GRID2: variants seen among roughly 807,000 people sequenced by gnomAD.
GRID2 encodes glutamate receptor ionotropic, delta-2.
Under a neutral mutation model 114.8 loss-of-function variants are expected in GRID2, and 33 were observed. That is an observed-to-expected ratio of 0.29 (90% CI 0.22 to 0.38). The LOEUF is 0.38. Ranked by LOEUF, GRID2 falls within the 10% of genes least tolerant of loss-of-function variation. The pLI, the probability that GRID2 is intolerant of heterozygous loss-of-function variation, is 1.00. For synonymous variants in GRID2, 505 were observed against 449.9 expected (o/e 1.12, Z -1.55); for missense variants, 1,184 against 1,257.7 (o/e 0.94, Z 0.89).
At chr4:93,705,538 T>G (rs769038904) in intron 14 of GRID2, among the ~76,000 whole-genome samples, 2 of 152,052 alleles carry the variant, frequency 1.3e-5, no homozygotes, top group Non-Finnish European at 2.9e-5. Context: ...TTAATCGATA[T>G]TTTCCTATAG....
intron 13 of GRID2, among the ~76,000 whole-genome samples, chr4:93,577,393 T>C (rs1272802629): frequency 6.6e-6 from 1 of 152,010 alleles, no homozygotes; most frequent in Non-Finnish European, 1.5e-5. Flanking sequence ...AATTCAAAAA[T>C]ATAAAAAATA....
intron 2 of GRID2, among the ~76,000 whole-genome samples, chr4:92,927,969 G>C (rs1749948202): frequency 6.6e-6 from 1 of 151,562 alleles, no homozygotes; most frequent in Non-Finnish European, 1.5e-5. Flanking sequence ...ATGCCATGTT[G>C]GTGCTCAAAA....
chr4:92,435,753 T>G (rs1732707527), intron 1 of GRID2, among the ~76,000 whole-genome samples: 1 of 152,236 alleles, frequency 6.6e-6, no homozygotes, highest in Non-Finnish European at 1.5e-5. Flanking sequence ...TAACTCATTG[T>G]GAGGAAGAAC....
intron 1 of GRID2, among the ~76,000 whole-genome samples, chr4:92,531,506 G>A (rs779719769): frequency 6.6e-6 from 1 of 152,040 alleles, no homozygotes; most frequent in Non-Finnish European, 1.5e-5. Flanking sequence ...CAGAGAGATG[G>A]GAAGAAAGCT....
At chr4:92,715,186 C>T (rs994292706) in intron 2 of GRID2, among the ~76,000 whole-genome samples, 24 of 152,154 alleles carry the variant, frequency 1.6e-4, no homozygotes, top group Non-Finnish European at 1.2e-4. Context: ...AGGACAGGGG[C>T]AAAATGCCAT....
rs564603452 is a variant in GRID2, at chr4:92,787,021, A to G, written c.244+196735A>G. ...TGAGCAGCACCTTTCCTAAAAGTCA[A>G]TATATGTTTGGGTGATTTCTGGTGT... On this transcript the variant is annotated intron_variant, in intron 2 of 15. Coordinates refer to ENST00000282020, the MANE Select transcript of GRID2 (RefSeq NM_001510.4). Among the ~76,000 whole-genome samples the G allele has an allele frequency of 1.3e-4, 20 of 152,038 alleles. No individual in the cohort carries two copies. In the East Asian group the frequency reaches 2.1e-3, roughly 16 times the overall value.
At chr4:93,033,051 T>C (rs943961453) in intron 2 of GRID2, among the ~76,000 whole-genome samples, 1 of 152,228 alleles carries the variant, frequency 6.6e-6, no homozygotes, top group African/African-American at 2.4e-5. Flanking sequence ...TCAAAAATGT[T>C]ATCTAACATT....
chr4:93,362,375 G>C (rs1373039200), intron 8 of GRID2, among the ~76,000 whole-genome samples: 1 of 151,918 alleles, frequency 6.6e-6, no homozygotes, highest in Non-Finnish European at 1.5e-5. Flanking sequence ...TGTGTCCCTG[G>C]ATTGGGGATC....
intron 8 of GRID2, among the ~76,000 whole-genome samples, chr4:93,369,722 C>A (rs1485017): frequency 6.6e-6 from 1 of 152,278 alleles, no homozygotes; most frequent in Non-Finnish European, 1.5e-5. Context: ...CTCCTGAGAT[C>A]TAGCAATCCT....
At chr4:93,059,270 T>A (rs531890959) in intron 2 of GRID2, among the ~76,000 whole-genome samples, 5 of 152,240 alleles carry the variant, frequency 3.3e-5, no homozygotes, top group Non-Finnish European at 5.9e-5. Flanking sequence ...TTTCTCCAAC[T>A]TTTATTGAAG....
intron 2 of GRID2, among the ~76,000 whole-genome samples, chr4:92,867,158 G>A (rs1008540268): frequency 6.6e-5 from 10 of 151,866 alleles, no homozygotes; most frequent in South Asian, 2.1e-4. Context: ...CATTAAAAAT[G>A]GTTGTTAAAT....
Position 93,221,080 on chromosome 4 carries a change from T to C in GRID2, c.964-3534T>C, listed in dbSNP as rs1322583159. Among the ~76,000 whole-genome samples, 3 of 152,166 alleles carry C rather than the reference T, an allele frequency of 2.0e-5. No individual in the cohort carries two copies. In the East Asian group the frequency reaches 5.8e-4, roughly 29 times the overall value. On this transcript the variant is annotated intron_variant, in intron 6 of 15. Transcript: ENST00000282020. ...GTTGAAGGTAAATTCAGTGTGTGTA[T>C]CACACAAATCATATTTGCTGTAACT...
At chr4:93,552,483 G>T (rs957645696) in intron 13 of GRID2, among the ~76,000 whole-genome samples, 29 of 152,152 alleles carry the variant, frequency 1.9e-4, no homozygotes, top group African/African-American at 5.1e-4. Flanking sequence ...TGAACTAGTT[G>T]ACAGTCCCAC....
At chr4:93,501,452 C>G (rs1192470963) in intron 12 of GRID2, among the ~76,000 whole-genome samples, 1 of 152,018 alleles carries the variant, frequency 6.6e-6, no homozygotes, top group Non-Finnish European at 1.5e-5. Flanking sequence ...CTCCAGAACA[C>G]ACAAGCACTG....
At chr4:92,602,025 C>T (rs1184009936) in intron 2 of GRID2, among the ~76,000 whole-genome samples, 2 of 151,754 alleles carry the variant, frequency 1.3e-5, no homozygotes, top group Non-Finnish European at 2.9e-5. Flanking sequence ...CATAAATAGC[C>T]TCTCAAGGAA....
At chr4:92,455,892 TTTTTCTC>T (rs1721190977) in intron 1 of GRID2, among the ~76,000 whole-genome samples, 1 of 152,172 alleles carries the variant, frequency 6.6e-6, no homozygotes, top group Admixed American at 6.6e-5. Flanking sequence ...ATTACAGTGA[TTTTTCTC>T]TTTTACAAAA....
chr4:92,529,122 T>G (rs1725190055), intron 1 of GRID2, among the ~76,000 whole-genome samples: 1 of 151,862 alleles, frequency 6.6e-6, no homozygotes, highest in South Asian at 2.1e-4. Flanking sequence ...CTATTTAGAG[T>G]GCAGGTAAGG....
intron 1 of GRID2, among the ~76,000 whole-genome samples, chr4:92,511,679 G>GAA (rs1363213560): frequency 2.6e-5 from 4 of 151,856 alleles, no homozygotes; most frequent in Non-Finnish European, 5.9e-5. Context: ...TAAAAGTCTA[G>GAA]TTGAATCAGT....
intron 14 of GRID2, among the ~76,000 whole-genome samples, chr4:93,764,696 T>C (rs375562405): frequency 3.3e-5 from 5 of 152,286 alleles, no homozygotes; most frequent in African/African-American, 1.2e-4. Context: ...TTCATCACAG[T>C]CTAATAGCTA....
Sources: allele counts gnomAD v4.1 joint callset (sites outside exome capture counted in the v4.1 genomes callset), GRCh38; gene constraint gnomAD v4.1.1; transcripts MANE v1.5; gene names NCBI Gene and HGNC (gene_info 2026-07-23, HGNC 2026-07-21).